Variants in ANKRD45 observed in about 807,000 individuals in gnomAD.
ANKRD45 encodes the protein ankyrin repeat domain 45.
Under a neutral mutation model 28.1 loss-of-function variants are expected in ANKRD45, and 21 were observed. That is an observed-to-expected ratio of 0.75 (90% CI 0.53 to 1.08). The LOEUF is 1.08. Among genes scored for constraint, ANKRD45 ranks in the 50% least tolerant of loss-of-function variants. The probability of loss-of-function intolerance (pLI) is 0.00; values close to 1 mark genes in which losing one functional copy is unlikely to be tolerated. For missense variants in ANKRD45, 261 were observed against 308.7 expected, an observed-to-expected ratio of 0.85 and a Z score of 1.16; for synonymous variants, 86 against 103.9, an observed-to-expected ratio of 0.83 and a Z score of 1.05.
the ANKRD45 span, among the ~76,000 whole-genome samples, chr1:173,703,976 C>T: frequency 2.0e-5 from 3 of 152,366 alleles, no homozygotes; most frequent in South Asian, 6.2e-4. Context: ...CAAACTAATG[C>T]AGTCCTTTTC....
the ANKRD45 span, among the ~76,000 whole-genome samples, chr1:173,686,394 C>T: frequency 7.9e-5 from 12 of 152,160 alleles, 1 homozygote; most frequent in African/African-American, 2.9e-4. Flanking sequence ...GGGGATGGTG[C>T]TTTCTTGACT....
At chr1:173,690,069 C>G in the ANKRD45 span, among the ~76,000 whole-genome samples, 59 of 104,470 alleles carry the variant, frequency 5.6e-4, 2 homozygotes, top group Middle Eastern at 4.3e-3. Flanking sequence ...CCCGCCCCCC[C>G]CCCCCCCGAC....
the ANKRD45 span, among the ~76,000 whole-genome samples, chr1:173,701,684 G>T: frequency 3.3e-5 from 5 of 152,126 alleles, no homozygotes; most frequent in African/African-American, 1.2e-4. Context: ...TCGGGAGATG[G>T]GGGAGGGATA....
chr1:173,655,976 C>T (rs552467883), intron 2 of ANKRD45, among the ~76,000 whole-genome samples: 1 of 152,328 alleles, frequency 6.6e-6, no homozygotes, highest in East Asian at 1.9e-4. Flanking sequence ...AGTATTTAGG[C>T]AGGAATGTCC....
chr1:173,623,790 C>T lies in ANKRD45; in HGVS notation c.730+997G>A, dbSNP rs180912012. 1.5e-3 allele frequency among the ~76,000 whole-genome samples: 223 copies of T among 152,140 alleles called. 1 individual carries two copies. Among genetic ancestry groups the T allele is most frequent in the African/African-American group, 4.3e-3 (180 of 41,490 alleles). On this transcript the variant is annotated intron_variant, in intron 5 of 5. Transcript: ENST00000333279. ...AATACTATACAGCCATAAAAAGGAA[C>T]GAGACCATGTCCATTTAAAAGACAT... is the stretch of plus-strand genomic sequence containing the variant.
chr1:173,612,928 T>A (rs1325355003), intron 5 of ANKRD45, among the ~76,000 whole-genome samples: 2 of 152,176 alleles, frequency 1.3e-5, no homozygotes, highest in Non-Finnish European at 2.9e-5. Flanking sequence ...AGTGGCATGA[T>A]CTCGGCTAGC....
chr1:173,659,256 A>G lies in ANKRD45; in HGVS notation c.163T>C (p.Phe55Leu), dbSNP rs1281748427. ...TGDVEGLQKI[F>L]EDPENPHHEQ... ...TGATGAGGATTCTCAGGATCCTCAA[A>G]TATCTTCTGCAAACCCTCTACATCC... The change falls in exon 2 of 6, where the codon TTT becomes CTT. Residue 55 changes from phenylalanine (F) to leucine (L), a missense_variant. Physicochemically the swap from Phe to Leu is conservative, Grantham distance 22. Coordinates refer to ENST00000333279, the MANE Select transcript of ANKRD45 (RefSeq NM_198493.3). 1 of 1,614,006 alleles carries G rather than the reference A, an allele frequency of 6.2e-7. No homozygotes were observed. The highest frequency in any genetic ancestry group is 1.7e-5 in the Admixed American group (1 of 59,986).
intron 5 of ANKRD45, among the ~76,000 whole-genome samples, chr1:173,623,669 T>C (rs1165893927): frequency 1.3e-5 from 2 of 152,122 alleles, no homozygotes; most frequent in Non-Finnish European, 1.5e-5. Context: ...TGTATGTTCA[T>C]TGCAGCACTA....
the ANKRD45 span, among the ~76,000 whole-genome samples, chr1:173,691,248 G>GT: frequency 6.6e-6 from 1 of 152,136 alleles, no homozygotes; most frequent in Non-Finnish European, 1.5e-5. Flanking sequence ...TTTTGGTTTG[G>GT]TTTTTTCTGT....
In ANKRD45 at chr1:173,609,732, T is replaced by C. The variant is rs1218760636; in HGVS notation, c.*413A>G. On this transcript the variant is annotated 3_prime_UTR_variant, in exon 6 of 6. Coordinates refer to ENST00000333279, the MANE Select transcript of ANKRD45 (RefSeq NM_198493.3). ...TCCTAATCCAAGCTGGTCTTAATATTTCCTTGCTCCAAGTGTCATTCCATA... is the reference window on the plus strand; with the variant it reads ...TCCTAATCCAAGCTGGTCTTAATATCTCCTTGCTCCAAGTGTCATTCCATA... The C allele has an allele frequency of 6.3e-6, 1 of 159,368 alleles. No homozygotes were observed. The highest frequency in any genetic ancestry group is 1.4e-5 in the Non-Finnish European group (1 of 72,882). The allele number at this position is 159,368 out of a possible 1,614,324, so 9.9% of individuals were successfully genotyped here. A position where few individuals can be genotyped will look rare whatever the true frequency, so the allele number is the denominator to read the frequency against.
chr1:173,681,272 A>G, the ANKRD45 span, among the ~76,000 whole-genome samples: 1 of 152,172 alleles, frequency 6.6e-6, no homozygotes. Context: ...TGTTTTTTAT[A>G]TCAAACTCAA....
intron 5 of ANKRD45, among the ~76,000 whole-genome samples, chr1:173,616,677 T>G (rs1667479492): frequency 6.6e-6 from 1 of 152,180 alleles, no homozygotes; most frequent in Non-Finnish European, 1.5e-5. Flanking sequence ...CCACAGTAGG[T>G]TTTTCCCGAA....
intron 2 of ANKRD45, among the ~76,000 whole-genome samples, chr1:173,649,365 A>C (rs1211746280): frequency 1.3e-5 from 2 of 152,178 alleles, no homozygotes; most frequent in African/African-American, 4.8e-5. Flanking sequence ...CATCTTTACC[A>C]ATGTTTAATC....
chr1:173,637,109 A>C, intron 3 of ANKRD45: 2 of 1,137,540 alleles, frequency 1.8e-6, no homozygotes, highest in Non-Finnish European at 2.5e-6. Context: ...AAGGATTAAA[A>C]ATTGTTCTTT....
the ANKRD45 span, among the ~76,000 whole-genome samples, chr1:173,708,896 C>T: frequency 2.0e-5 from 3 of 152,206 alleles, no homozygotes; most frequent in African/African-American, 4.8e-5. Context: ...TTCTAGCTCC[C>T]ATCGTAGTGC....
At position 173,608,562 on chromosome 1, in the gene ANKRD45, G is replaced by A. The variant is rs1485677086; in HGVS notation, c.*1583C>T. 2.0e-5 allele frequency among the ~76,000 whole-genome samples: 3 copies of A among 151,766 alleles called. No individual in the cohort carries two copies. The highest frequency in any genetic ancestry group is 6.6e-5 in the Admixed American group (1 of 15,238). On this transcript the variant is annotated 3_prime_UTR_variant, in exon 6 of 6. Transcript: ENST00000333279. ...TCAAACCGCTGACCTCAGGTGATCC[G>A]CCTGCCTTGGCCTCCCAAAGTTCTT...
intron 2 of ANKRD45, 23 bp downstream of exon 2, chr1:173,659,068 A>G: frequency 1.2e-6 from 2 of 1,607,044 alleles, no homozygotes; most frequent in Non-Finnish European, 1.7e-6. Context: ...AGTAATACTG[A>G]TGAGAGAAAA....
intron 2 of ANKRD45, among the ~76,000 whole-genome samples, chr1:173,655,415 C>T (rs1421901118): frequency 1.3e-5 from 2 of 152,322 alleles, no homozygotes; most frequent in Middle Eastern, 3.4e-3. Context: ...GCTTGGGTAT[C>T]ACCAGCAGAG....
chr1:173,664,315 C>A (rs1669913949), intron 1 of ANKRD45, among the ~76,000 whole-genome samples: 1 of 152,190 alleles, frequency 6.6e-6, no homozygotes, highest in African/African-American at 2.4e-5. Flanking sequence ...TTTTGTCACT[C>A]TATTAATAGT....
Sources: allele counts gnomAD v4.1 joint callset (sites outside exome capture counted in the v4.1 genomes callset), GRCh38; gene constraint gnomAD v4.1.1; transcripts MANE v1.5; gene names NCBI Gene and HGNC (gene_info 2026-07-23, HGNC 2026-07-21).